The following MARK1 variants were observed in gnomAD, a reference collection of about 807,000 sequenced individuals.
The protein encoded by MARK1 is microtubule affinity regulating kinase 1, also known as serine/threonine-protein kinase MARK1.
In MARK1, 40 loss-of-function variants were observed where a neutral mutation model predicts 96.3. The ratio of observed to expected loss-of-function variants is 0.42; its 90% confidence interval spans 0.32 to 0.54. The LOEUF (loss-of-function observed/expected upper bound fraction) is 0.54, where lower values mean the gene tolerates loss of function less well. Ranked by LOEUF, MARK1 falls within the 20% of genes least tolerant of loss-of-function variation. MARK1 has a pLI of 0.16. For synonymous variants in MARK1, 317 were observed against 341.2 expected (o/e 0.93, Z 0.78); for missense variants, 719 against 984.6 (o/e 0.73, Z 3.61).
intron 1 of MARK1, among the ~76,000 whole-genome samples, chr1:220,547,549 G>A (rs1227302755): frequency 1.3e-5 from 2 of 152,108 alleles, no homozygotes; most frequent in East Asian, 1.9e-4. Context: ...TGTGACAGTA[G>A]TGTCAAACTG....
At chr1:220,610,235 G>C (rs549232688) in intron 6 of MARK1, among the ~76,000 whole-genome samples, 3 of 152,238 alleles carry the variant, frequency 2.0e-5, no homozygotes, top group African/African-American at 7.2e-5. Flanking sequence ...TTTCTTGGAG[G>C]CTTTGTTCAT....
intron 2 of MARK1, among the ~76,000 whole-genome samples, chr1:220,580,588 C>T (rs1266256106): frequency 6.6e-6 from 1 of 152,142 alleles, no homozygotes; most frequent in Non-Finnish European, 1.5e-5. Context: ...TATTCTGACC[C>T]CAGGAGCCAT....
At chr1:220,529,621 T>G (rs952792645) in intron 1 of MARK1, among the ~76,000 whole-genome samples, 5 of 152,160 alleles carry the variant, frequency 3.3e-5, no homozygotes, top group African/African-American at 1.2e-4. Context: ...CTCCTTGGAG[T>G]GTCACAAGGT....
intron 1 of MARK1, among the ~76,000 whole-genome samples, chr1:220,573,109 T>G (rs1478066132): frequency 5.3e-5 from 8 of 152,180 alleles, no homozygotes; most frequent in Non-Finnish European, 2.9e-5. Context: ...GACAGTGATC[T>G]TCTACACTGG....
At chr1:220,561,463 A>G (rs915813401) in intron 1 of MARK1, among the ~76,000 whole-genome samples, 2 of 152,166 alleles carry the variant, frequency 1.3e-5, no homozygotes, top group African/African-American at 4.8e-5. Context: ...AAGGAAGCCA[A>G]AAGATTGGAC....
rs745533920 is a variant in MARK1 at position 220,616,010 on chromosome 1, G to A, written c.552+15G>A. The A allele has an allele frequency of 7.3e-6, 10 of 1,372,570 alleles. No individual in the cohort carries two copies. The Admixed American group carries it at 1.5e-4, about 21-fold the overall frequency. 85.0% of individuals were successfully genotyped at this position (1,372,570 alleles called of 1,614,324 possible). On this transcript the variant is annotated intron_variant, in intron 7 of 17. Coordinates refer to ENST00000366917, the MANE Select transcript of MARK1 (RefSeq NM_018650.5). ...GTGATCTTAAGGTAAGCTTCTGAGT[G>A]TAATTTTTTTAAAAAAAAAATCGTT...
At position 220,606,229 on chromosome 1, in the gene MARK1, G is replaced by A. The variant is rs189905604; in HGVS notation, c.495+2092G>A. Among the ~76,000 whole-genome samples the A allele has an allele frequency of 1.7e-3, 256 of 152,312 alleles. 2 individuals are homozygous for A. The highest frequency in any genetic ancestry group is 5.3e-3 in the African/African-American group (222 of 41,554). ...ATTTTAACCATTCTAACTGGCGTGA[G>A]ATGGTATCTCATTGTGGTTTTGATT... On this transcript the variant is annotated intron_variant, in intron 6 of 17. Transcript: ENST00000366917.
rs182558630 is a variant in MARK1 at position 220,554,815 on chromosome 1, A to G, written c.52-24539A>G. Among the ~76,000 whole-genome samples, 247 of 152,288 alleles carry G rather than the reference A, an allele frequency of 1.6e-3. 3 individuals carry two copies. The highest frequency in any genetic ancestry group is 1.7e-3 in the South Asian group (8 of 4,824). On this transcript the variant is annotated intron_variant, in intron 1 of 17. Coordinates refer to ENST00000366917, the MANE Select transcript of MARK1 (RefSeq NM_018650.5). ...ATTCATCTGTCTTCTGCATAGGCCA[A>G]ATAGGTGAGCTGAGTGGAGATGTAG...
In MARK1 at chr1:220,528,639, C is replaced by G; in HGVS notation, c.-184C>G. 2.0e-6 allele frequency: 1 copy of G among 509,192 alleles called. No individual in the cohort carries two copies. The allele number at this position is 509,192 out of a possible 1,614,324, so 31.5% of individuals were successfully genotyped here. ...CCGCCGCGGGAAGCGGCTCCCCCTC[C>G]TCTTCCTCCGCGTCCTCTTCCCTCT... On this transcript the variant is annotated 5_prime_UTR_variant, in exon 1 of 18. Coordinates refer to ENST00000366917, the MANE Select transcript of MARK1 (RefSeq NM_018650.5).
rs570575825 is a variant in MARK1, at chr1:220,531,432, C to T, written c.51+2559C>T. On this transcript the variant is annotated intron_variant, in intron 1 of 17. Coordinates refer to ENST00000366917, the MANE Select transcript of MARK1 (RefSeq NM_018650.5). ...CCTTAGAAATTAAAATCAACAAATA[C>T]AGTAATTTAAAACACCATCTTGATA... 3.0e-3 allele frequency among the ~76,000 whole-genome samples: 451 copies of T among 152,160 alleles called. 3 individuals carry two copies. The highest frequency in any genetic ancestry group is 0.01 in the African/African-American group (435 of 41,514).
intron 1 of MARK1, among the ~76,000 whole-genome samples, chr1:220,569,387 C>T (rs1266237256): frequency 6.6e-6 from 1 of 152,000 alleles, no homozygotes; most frequent in African/African-American, 2.4e-5. Flanking sequence ...TGCGATGTCA[C>T]ATTTATTAAA....
intron 9 of MARK1, chr1:220,628,070 A>G (rs1421691693): frequency 1.3e-5 from 2 of 152,042 alleles, no homozygotes; most frequent in Non-Finnish European, 1.5e-5. Flanking sequence ...TTTAGACCCC[A>G]TCTCTCCCCA....
At chr1:220,571,580 A>G (rs922136734) in intron 1 of MARK1, among the ~76,000 whole-genome samples, 2 of 152,216 alleles carry the variant, frequency 1.3e-5, no homozygotes, top group African/African-American at 4.8e-5. Flanking sequence ...ATAATAAAGG[A>G]AGCGTACCAG....
At chr1:220,552,945 C>T (rs981868770) in intron 1 of MARK1, among the ~76,000 whole-genome samples, 2 of 152,122 alleles carry the variant, frequency 1.3e-5, no homozygotes, top group Non-Finnish European at 2.9e-5. Flanking sequence ...AGTGAATGTT[C>T]ATCTATGTTG....
chr1:220,656,545 A>G (rs570429996), intron 16 of MARK1, among the ~76,000 whole-genome samples: 1 of 152,194 alleles, frequency 6.6e-6, no homozygotes, highest in Non-Finnish European at 1.5e-5. Flanking sequence ...CCAAGTTGGT[A>G]TACTGCCCAT....
At chr1:220,536,633 G>T (rs1158769512) in intron 1 of MARK1, among the ~76,000 whole-genome samples, 2 of 151,208 alleles carry the variant, frequency 1.3e-5, no homozygotes, top group Non-Finnish European at 2.9e-5. Context: ...TCAGCTCACT[G>T]CAACCTCCAC....
At chr1:220,580,153 A>G (rs1664137299) in intron 2 of MARK1, among the ~76,000 whole-genome samples, 1 of 152,070 alleles carries the variant, frequency 6.6e-6, no homozygotes, top group Non-Finnish European at 1.5e-5. Flanking sequence ...TGTATTATAT[A>G]ACGTTTACTA....
In MARK1 at chr1:220,662,031, C is replaced by T; in HGVS notation, c.2253C>T (p.Ser751=). The change falls in exon 18 of 18, where the codon AGC becomes AGT. Residue 751 remains serine (S), a synonymous_variant. Coordinates refer to ENST00000366917, the MANE Select transcript of MARK1 (RefSeq NM_018650.5). ...FCVHGDARQD[S]LVQWEMEVCK... ...TCCATGGAGACGCTAGACAGGATAG[C>T]CTCGTGCAGTGGGAGATGGAAGTCT... 1 of 1,614,156 alleles carries T rather than the reference C, an allele frequency of 6.2e-7. No homozygotes were observed.
intron 1 of MARK1, among the ~76,000 whole-genome samples, chr1:220,545,950 A>G (rs1661461894): frequency 6.6e-6 from 1 of 152,084 alleles, no homozygotes; most frequent in African/African-American, 2.4e-5. Context: ...TTAGCAAAGA[A>G]TCTTGCTAAG....
Sources: gnomAD v4.1 joint callset for allele counts (sites outside exome capture counted in the v4.1 genomes callset) on GRCh38, gnomAD v4.1.1 for gene constraint, MANE v1.5 for transcripts, NCBI Gene and HGNC (gene_info 2026-07-23, HGNC 2026-07-21) for gene names.